VPS35L: variants seen among roughly 807,000 people sequenced by gnomAD.
The protein encoded by VPS35L is VPS35 endosomal protein-sorting factor-like.
Under a neutral mutation model 133.0 loss-of-function variants are expected in VPS35L, and 83 were observed. The observed-to-expected ratio is 0.62, with a 90% CI of 0.52 to 0.75. VPS35L has a LOEUF of 0.75. Among genes scored for constraint, VPS35L ranks in the 30% least tolerant of loss-of-function variants. The pLI, the probability that VPS35L is intolerant of heterozygous loss-of-function variation, is 0.00. For synonymous variants in VPS35L, 423 were observed against 449.9 expected, an observed-to-expected ratio of 0.94 and a Z score of 0.76; for missense variants, 1,083 against 1,206.8, an observed-to-expected ratio of 0.90 and a Z score of 1.52.
chr16:19,699,114 G>A lies in VPS35L; in HGVS notation c.2647-388G>A, dbSNP rs190247485. Among the ~76,000 whole-genome samples the A allele has an allele frequency of 1.1e-4, 16 of 152,268 alleles. No individual in the cohort carries two copies. The highest frequency in any genetic ancestry group is 9.2e-4 in the Admixed American group (14 of 15,290). On this transcript the variant is annotated intron_variant, in intron 29 of 30. Coordinates refer to ENST00000417362, the MANE Select transcript of VPS35L (RefSeq NM_020314.7). This position sits in a 1 kb window ranked among gnomAD's most constrained non-coding sequence, Gnocchi z 4.2. Reference sequence around the variant, plus strand: ...TGACTGCAGCTTTGGGTAGTTTGAGGACACATCTGAAAGAGGTGAGCTGAA... The same window carrying A: ...TGACTGCAGCTTTGGGTAGTTTGAGAACACATCTGAAAGAGGTGAGCTGAA...
At chr16:19,618,308 T>C (rs888079059) in intron 14 of VPS35L, among the ~76,000 whole-genome samples, 1 of 152,076 alleles carries the variant, frequency 6.6e-6, no homozygotes, top group Non-Finnish European at 1.5e-5. Flanking sequence ...TTTACGAATT[T>C]ATCCTGTAAG....
At chr16:19,571,555 A>T (rs1381072433) in intron 3 of VPS35L, among the ~76,000 whole-genome samples, 2 of 149,956 alleles carry the variant, frequency 1.3e-5, no homozygotes, top group Non-Finnish European at 3.0e-5. Flanking sequence ...ATTTTATTTT[A>T]TTTTTTTGAG....
chr16:19,653,589 G>A (rs1255776758), intron 26 of VPS35L, among the ~76,000 whole-genome samples: 2 of 152,240 alleles, frequency 1.3e-5, no homozygotes, highest in Non-Finnish European at 2.9e-5. Flanking sequence ...TGCATTGACT[G>A]GGAAGCCTAA....
At chr16:19,613,019 G>A (rs75199663) in intron 12 of VPS35L, among the ~76,000 whole-genome samples, 9,067 of 152,290 alleles carry the variant, frequency 0.06, 552 homozygotes, top group African/African-American at 0.15. Flanking sequence ...GAGTAAGAGA[G>A]ACCAAGCGCG....
At chr16:19,586,496 C>T (rs1377684390) in intron 7 of VPS35L, among the ~76,000 whole-genome samples, 6 of 152,186 alleles carry the variant, frequency 3.9e-5, no homozygotes, top group South Asian at 4.1e-4. Flanking sequence ...CCTGCTATCA[C>T]GCCCAGCTAA....
chr16:19,618,207 C>T (rs759101644), intron 14 of VPS35L: 3 of 151,098 alleles, frequency 2.0e-5, no homozygotes, highest in Admixed American at 6.6e-5. Flanking sequence ...AGTTGAAAGA[C>T]ATCTGCCTTT....
At position 19,642,396 on chromosome 16, in the gene VPS35L, G is replaced by A; in HGVS notation, c.1785G>A (p.Lys595=). 1 of 1,613,202 alleles carries A rather than the reference G, an allele frequency of 6.2e-7. No homozygotes were observed. The highest frequency in any genetic ancestry group is 8.5e-7 in the Non-Finnish European group (1 of 1,179,398). ...ACTTTTATCTTTAAATGTCTCCTAGGCATCAACAAGAGCCCACCAAGGACC... is the reference window on the plus strand; with the variant it reads ...ACTTTTATCTTTAAATGTCTCCTAGACATCAACAAGAGCCCACCAAGGACC... ...VCKCIMDAFI[K]HQQEPTKDPV... Residue 595 remains lysine, a splice_region_variant and synonymous_variant, in exon 22 of 31, where the codon AAG becomes AAA. Transcript: ENST00000417362.
At chr16:19,638,206 C>G (rs1446704493) in intron 20 of VPS35L, among the ~76,000 whole-genome samples, 1 of 152,202 alleles carries the variant, frequency 6.6e-6, no homozygotes, top group Non-Finnish European at 1.5e-5. Flanking sequence ...CTTCACTTCC[C>G]TCTTCCAGGT....
At chr16:19,622,291 C>T (rs777680543) in intron 14 of VPS35L, among the ~76,000 whole-genome samples, 15 of 151,906 alleles carry the variant, frequency 9.9e-5, no homozygotes, top group East Asian at 9.7e-4. Context: ...ACTACAGCCA[C>T]GCCACCACGC....
intron 27 of VPS35L, among the ~76,000 whole-genome samples, chr16:19,673,249 G>A (rs1274279259): frequency 6.6e-6 from 1 of 152,236 alleles, no homozygotes; most frequent in Non-Finnish European, 1.5e-5. Context: ...TGTCCTGATG[G>A]AGAACATTTG....
intron 12 of VPS35L, among the ~76,000 whole-genome samples, chr16:19,611,487 GT>G (rs1292758042): frequency 6.6e-6 from 1 of 152,100 alleles, no homozygotes; most frequent in Non-Finnish European, 1.5e-5. Flanking sequence ...TCCCCCATGA[GT>G]TTGCACCTTA....
chr16:19,635,556 ACAAT>A (rs1420823608), intron 19 of VPS35L, among the ~76,000 whole-genome samples: 1 of 152,206 alleles, frequency 6.6e-6, no homozygotes, highest in African/African-American at 2.4e-5. Flanking sequence ...ACTAATTGAG[ACAAT>A]CAACAGCTTG....
At position 19,639,821 on chromosome 16, in the gene VPS35L, GC is replaced by G. The variant is rs71375658; in HGVS notation, c.1699-191del. ...TGGGATTACAGGTGTGAGCCACTGTGCCCGGCCCAGTAACAGCTTTTTACAA... is the reference window on the plus strand; with the variant it reads ...TGGGATTACAGGTGTGAGCCACTGTGCCGGCCCAGTAACAGCTTTTTACAA... On this transcript the variant is annotated intron_variant, in intron 20 of 30. Transcript: ENST00000417362. This position sits in a 1 kb window ranked among gnomAD's most constrained non-coding sequence, Gnocchi z 4.1. Among the ~76,000 whole-genome samples the G allele has an allele frequency of 6.6e-6, 1 of 152,154 alleles. No individual in the cohort carries two copies. Among genetic ancestry groups the G allele is most frequent in the Non-Finnish European group, 1.5e-5 (1 of 68,014 alleles).
intron 19 of VPS35L, 93 bp from the exon 20 acceptor site, chr16:19,637,501 A>G (rs141296775): frequency 3.2e-6 from 3 of 937,278 alleles, no homozygotes; most frequent in Non-Finnish European, 4.6e-6. Flanking sequence ...TTTTTAAAAA[A>G]AAATTTAGGT....
chr16:19,641,414 T>C (rs991236094), intron 21 of VPS35L, among the ~76,000 whole-genome samples: 4 of 152,208 alleles, frequency 2.6e-5, no homozygotes, highest in Non-Finnish European at 4.4e-5. Flanking sequence ...TATTAGGCAG[T>C]TTATAACTAG....
intron 8 of VPS35L, among the ~76,000 whole-genome samples, chr16:19,598,486 T>G (rs1422413151): frequency 6.6e-6 from 1 of 152,140 alleles, no homozygotes; most frequent in African/African-American, 2.4e-5. Context: ...AAAAGATCCT[T>G]AAAATATGAA....
At chr16:19,618,490 C>G (rs555333716) in intron 14 of VPS35L, among the ~76,000 whole-genome samples, 2 of 152,120 alleles carry the variant, frequency 1.3e-5, no homozygotes, top group African/African-American at 4.8e-5. Context: ...TCTGTACATA[C>G]TGACGTAAGG....
chr16:19,692,607 A>G (rs184054684), intron 29 of VPS35L, among the ~76,000 whole-genome samples: 61 of 152,114 alleles, frequency 4.0e-4, no homozygotes, highest in Middle Eastern at 3.4e-3. Flanking sequence ...CTTGTTGCCC[A>G]GGCTGGAGTG....
rs141787064 is a variant in VPS35L, at chr16:19,583,811, T to C, written c.639+2158T>C. Among the ~76,000 whole-genome samples the C allele has an allele frequency of 2.0e-5, 3 of 152,148 alleles. No individual in the cohort carries two copies. In the East Asian group the frequency reaches 5.8e-4, roughly 29 times the overall value. On this transcript the variant is annotated intron_variant, in intron 7 of 30. Transcript: ENST00000417362. Reference sequence around the variant, plus strand: ...AGGTGCTATTGAACACTAGAACTTATTCCTCATATGTAGCTGTAATTTTGT... The same window carrying C: ...AGGTGCTATTGAACACTAGAACTTACTCCTCATATGTAGCTGTAATTTTGT...
Sources: allele counts gnomAD v4.1 joint callset (sites outside exome capture counted in the v4.1 genomes callset), GRCh38; gene constraint gnomAD v4.1.1; non-coding constraint Gnocchi (gnomAD v3.1); transcripts MANE v1.5; gene names NCBI Gene and HGNC (gene_info 2026-07-23, HGNC 2026-07-21).